Variants in TBC1D19 observed in about 807,000 individuals in gnomAD.
TBC1D19 encodes TBC1 domain family, member 19.
Under a neutral mutation model 89.0 loss-of-function variants are expected in TBC1D19, and 60 were observed. The observed-to-expected ratio is 0.67, with a 90% CI of 0.55 to 0.84. The LOEUF (loss-of-function observed/expected upper bound fraction) is 0.84, where lower values mean the gene tolerates loss of function less well. Ranked by LOEUF, TBC1D19 falls within the 40% of genes least tolerant of loss-of-function variation. The probability of loss-of-function intolerance (pLI) is 0.00; values close to 1 mark genes in which losing one functional copy is unlikely to be tolerated. For missense variants in TBC1D19, 500 were observed against 610.8 expected (o/e 0.82, Z 1.91); for synonymous variants, 189 against 199.7 (o/e 0.95, Z 0.45).
the TBC1D19 span, among the ~76,000 whole-genome samples, chr4:26,833,594 G>A: frequency 1.3e-5 from 2 of 152,226 alleles, no homozygotes; most frequent in African/African-American, 4.8e-5. Context: ...GCTTCTTAGA[G>A]CTGAAATGTT....
intron 1 of TBC1D19, among the ~76,000 whole-genome samples, chr4:26,577,339 T>A (rs1314378821): frequency 2.6e-5 from 4 of 151,860 alleles, no homozygotes; most frequent in Non-Finnish European, 5.9e-5. Context: ...ATTCTCCTAT[T>A]TGTTGGACTC....
intron 17 of TBC1D19, chr4:26,740,836 T>C (rs1326426575): frequency 8.1e-6 from 8 of 985,256 alleles, no homozygotes; most frequent in African/African-American, 1.7e-5. Flanking sequence ...ATCCCCCCAT[T>C]CTAAGCCTAT....
chr4:26,816,244 TTTAC>T, the TBC1D19 span, among the ~76,000 whole-genome samples: 1 of 35,950 alleles, frequency 2.8e-5, no homozygotes, highest in East Asian at 4.1e-4. Flanking sequence ...CATCCCTCAC[TTTAC>T]TTTTTTTATG....
intron 2 of TBC1D19, among the ~76,000 whole-genome samples, chr4:26,613,988 A>T (rs1453688281): frequency 2.0e-5 from 3 of 152,100 alleles, no homozygotes; most frequent in Non-Finnish European, 4.4e-5. Flanking sequence ...GTCGTCCAGG[A>T]CTTTGCTGAC....
intron 13 of TBC1D19, among the ~76,000 whole-genome samples, chr4:26,710,689 C>A (rs563288757): frequency 6.6e-6 from 1 of 152,174 alleles, no homozygotes; most frequent in Admixed American, 6.5e-5. Flanking sequence ...TCTCCAGCAC[C>A]TGTTGTTTCC....
At chr4:26,613,055 T>A (rs1321875038) in intron 1 of TBC1D19, 114 bp from the exon 2 acceptor site, 2 of 751,584 alleles carry the variant, frequency 2.7e-6, no homozygotes, top group Non-Finnish European at 4.2e-6. Flanking sequence ...TAGTATACAT[T>A]TTTGAACACT....
intron 8 of TBC1D19, among the ~76,000 whole-genome samples, chr4:26,663,392 A>G (rs1165513450): frequency 6.6e-6 from 1 of 152,236 alleles, no homozygotes; most frequent in Non-Finnish European, 1.5e-5. Context: ...CTCATTTTCC[A>G]TATAAAATCA....
intron 1 of TBC1D19, among the ~76,000 whole-genome samples, chr4:26,578,623 T>C (rs1339887670): frequency 1.3e-5 from 2 of 151,352 alleles, no homozygotes; most frequent in African/African-American, 4.9e-5. Flanking sequence ...ATGTGTTAGG[T>C]GTAGTTTGGA....
At chr4:26,590,810 T>TGG (rs1560400188) in intron 1 of TBC1D19, among the ~76,000 whole-genome samples, 1 of 100,288 alleles carries the variant, frequency 1.0e-5, no homozygotes, top group Non-Finnish European at 2.1e-5. Context: ...TTTTTTTTTT[T>TGG]TTTTTTTTTT....
intron 7 of TBC1D19, among the ~76,000 whole-genome samples, chr4:26,648,074 A>G (rs895253202): frequency 1.3e-5 from 2 of 152,078 alleles, no homozygotes; most frequent in Admixed American, 6.5e-5. Context: ...CACTCACAAG[A>G]CTTCTCAGGG....
chr4:26,765,602 G>C, the TBC1D19 span, among the ~76,000 whole-genome samples: 1 of 152,102 alleles, frequency 6.6e-6, no homozygotes, highest in African/African-American at 2.4e-5. Context: ...TAGGTGAACC[G>C]TCTCCTCAGA....
At chr4:26,607,814 T>G (rs1337703115) in intron 1 of TBC1D19, among the ~76,000 whole-genome samples, 1 of 152,212 alleles carries the variant, frequency 6.6e-6, no homozygotes, top group Non-Finnish European at 1.5e-5. Context: ...GGGACACTTC[T>G]TACAAATGCA....
At chr4:26,710,338 A>G (rs181026351) in intron 13 of TBC1D19, among the ~76,000 whole-genome samples, 1 of 152,232 alleles carries the variant, frequency 6.6e-6, no homozygotes, top group Admixed American at 6.5e-5. Flanking sequence ...AGCTTCATCC[A>G]TGTCCCTACA....
chr4:26,768,396 A>G, the TBC1D19 span, among the ~76,000 whole-genome samples: 1,928 of 152,288 alleles, frequency 0.013, 35 homozygotes, highest in African/African-American at 0.043. Flanking sequence ...TAAGAATACA[A>G]ATATATCCAG....
intron 6 of TBC1D19, 91 bp from the exon 7 acceptor site, chr4:26,640,050 A>G: frequency 1.1e-6 from 1 of 886,800 alleles, no homozygotes; most frequent in Non-Finnish European, 1.8e-6. Context: ...ATCTATCTGT[A>G]TGATAACATG....
rs535222571 is a variant in TBC1D19, at chr4:26,654,421, G to A, written c.481-5176G>A. Among the ~76,000 whole-genome samples the A allele has an allele frequency of 3.2e-4, 48 of 152,262 alleles. 1 individual carries two copies. Among genetic ancestry groups the A allele is most frequent in the Admixed American group, 2.9e-3 (45 of 15,276 alleles). ...ATTTCCTGCATTTGAATGTTGGCCT[G>A]CCTTGCTAGATTGAGGAAGTTCTCC... On this transcript the variant is annotated intron_variant, in intron 7 of 20. Coordinates refer to ENST00000264866, the MANE Select transcript of TBC1D19 (RefSeq NM_018317.4).
At chr4:26,590,628 T>C (rs1319046161) in intron 1 of TBC1D19, among the ~76,000 whole-genome samples, 8 of 152,080 alleles carry the variant, frequency 5.3e-5, no homozygotes, top group Non-Finnish European at 1.2e-4. Flanking sequence ...ACAGAAAAAT[T>C]GATCAGAAAG....
intron 4 of TBC1D19, among the ~76,000 whole-genome samples, chr4:26,631,041 A>G (rs923564746): frequency 1.3e-5 from 2 of 152,018 alleles, no homozygotes; most frequent in South Asian, 2.1e-4. Flanking sequence ...CAAGATTTCA[A>G]TGGAAATGAC....
chr4:26,800,401 A>G, the TBC1D19 span, among the ~76,000 whole-genome samples: 1 of 152,150 alleles, frequency 6.6e-6, no homozygotes, highest in East Asian at 1.9e-4. Flanking sequence ...AATCCAGTCT[A>G]TCGTTGTTGG....
Sources: gnomAD v4.1 joint callset for allele counts (sites outside exome capture counted in the v4.1 genomes callset) on GRCh38, gnomAD v4.1.1 for gene constraint, MANE v1.5 for transcripts, NCBI Gene and HGNC (gene_info 2026-07-23, HGNC 2026-07-21) for gene names.